Variants in BUD23 observed in about 807,000 individuals in gnomAD.
BUD23 encodes 18S rRNA (guanine-N(7))-methyltransferase.
BUD23 carries 34 observed loss-of-function variants against 47.0 expected under a neutral mutation model. The observed-to-expected ratio is 0.72, with a 90% confidence interval of 0.55 to 0.96. The LOEUF is 0.96. BUD23 is among the 40% of genes least tolerant of loss of function. BUD23 has a pLI of 0.00. For synonymous variants in BUD23, 124 were observed against 132.0 expected, an observed-to-expected ratio of 0.94 and a Z score of 0.41; for missense variants, 343 against 361.2, an observed-to-expected ratio of 0.95 and a Z score of 0.41.
Position 73,697,656 on chromosome 7 carries a change from G to A in BUD23, c.753G>A (p.Trp251Ter), listed in dbSNP as rs377247787. The A allele has an allele frequency of 1.2e-6, 2 of 1,613,708 alleles. No homozygotes were observed. The highest frequency in any genetic ancestry group is 1.7e-6 in the Non-Finnish European group (2 of 1,179,948). Residue 251 changes from tryptophan (W) to a stop codon, truncating the protein, a stop_gained, in exon 11 of 12, where the codon TGG becomes TGA. Transcript: ENST00000265758. LOFTEE classifies it high-confidence loss of function. ...RRGMVRKSRA[W>*]VLEKKERHRR... ...GAATGGTGAGGAAGAGTCGGGCATGGGTGCTGGAGAAGAAGGAGCGGCACA... is the reference window on the plus strand; with the variant it reads ...GAATGGTGAGGAAGAGTCGGGCATGAGTGCTGGAGAAGAAGGAGCGGCACA...
chr7:73,697,717 G>A (rs1416930834), intron 11 of BUD23, 23 bp downstream of exon 11: 1 of 1,559,452 alleles, frequency 6.4e-7, no homozygotes, highest in South Asian at 1.1e-5. Context: ...CTGGGAGCTG[G>A]CAGGGTGGGT....
intron 5 of BUD23, among the ~76,000 whole-genome samples, chr7:73,689,052 G>A (rs190242371): frequency 1.3e-5 from 2 of 152,276 alleles, no homozygotes; most frequent in African/African-American, 4.8e-5. Flanking sequence ...AGATGGTATA[G>A]CAAACTGTTT....
At position 73,687,101 on chromosome 7, in the gene BUD23, G is replaced by A; in HGVS notation, c.362+6G>A. On this transcript the variant is annotated splice_donor_region_variant and intron_variant, in intron 5 of 11. Coordinates refer to ENST00000265758, the MANE Select transcript of BUD23 (RefSeq NM_017528.5). ...ACATTTGATGGTTGCATCAGGTGAG[G>A]GTCTTTAATTCCTGCTTTTATTTAT... 1 of 1,612,910 alleles carries A rather than the reference G, an allele frequency of 6.2e-7. No homozygotes were observed. Among genetic ancestry groups the A allele is most frequent in the Non-Finnish European group, 8.5e-7 (1 of 1,179,940 alleles).
rs1316365425 is a variant in BUD23, at chr7:73,698,166, G to A, written c.*280G>A. ...AAAAAAAAAAAAAAAAGCTCTGAGA[G>A]CATCTTATTTTGTTTAAAGGCAAGA... On this transcript the variant is annotated 3_prime_UTR_variant, in exon 12 of 12. Coordinates refer to ENST00000265758, the MANE Select transcript of BUD23 (RefSeq NM_017528.5). 7 of 289,062 alleles carry A rather than the reference G, an allele frequency of 2.4e-5. No individual in the cohort carries two copies. The highest frequency in any genetic ancestry group is 9.0e-5 in the African/African-American group (4 of 44,586). 17.9% of individuals were successfully genotyped at this position (289,062 alleles called of 1,614,324 possible).
chr7:73,693,268 A>G, intron 7 of BUD23, 61 bp from the exon 8 acceptor site: 1 of 1,431,560 alleles, frequency 7.0e-7, no homozygotes. Flanking sequence ...GAGGGGAGGG[A>G]GGTGAAGCTG....
chr7:73,683,708 A>T (rs1797815530), intron 1 of BUD23, 35 bp downstream of exon 1: 4 of 1,613,818 alleles, frequency 2.5e-6, no homozygotes, highest in Non-Finnish European at 3.4e-6. Flanking sequence ...CCCTCTCCCC[A>T]CTTCTGCGGC....
intron 9 of BUD23, 150 bp from the exon 10 acceptor site, chr7:73,693,842 G>T (rs1554614451): frequency 3.1e-6 from 4 of 1,299,678 alleles, no homozygotes; most frequent in Non-Finnish European, 4.4e-6. Flanking sequence ...CCTCTGCTCT[G>T]CAGGTCCCAG....
rs372118892 is a variant in BUD23 at position 73,686,889 on chromosome 7, C to T, written c.254C>T (p.Pro85Leu). 8.7e-6 allele frequency: 14 copies of T among 1,614,072 alleles called. No homozygotes were observed. Among genetic ancestry groups the T allele is most frequent in the African/African-American group, 1.3e-5 (1 of 74,920 alleles). The change falls in exon 4 of 12, where the codon CCT (proline) becomes CTT (leucine). Residue 85 changes from proline (P) to leucine (L), a missense_variant. Transcript: ENST00000265758. ...GHYWVGLDISPAMLDEAVDRE... is the reference protein window; with the variant it reads ...GHYWVGLDISLAMLDEAVDRE... ...TATTGGGTGGGCCTGGATATCAGCCCTGCCATGCTGGGTAAGTATGTCCTG... is the reference window on the plus strand; with the variant it reads ...TATTGGGTGGGCCTGGATATCAGCCTTGCCATGCTGGGTAAGTATGTCCTG...
At chr7:73,688,686 C>T (rs1348818932) in intron 5 of BUD23, among the ~76,000 whole-genome samples, 1 of 152,158 alleles carries the variant, frequency 6.6e-6, no homozygotes. Flanking sequence ...TTTTCTTAGG[C>T]TGCTGTGATC....
At chr7:73,691,734 G>A (rs995053420) in intron 6 of BUD23, among the ~76,000 whole-genome samples, 3 of 151,840 alleles carry the variant, frequency 2.0e-5, no homozygotes, top group Admixed American at 1.3e-4. Context: ...CAAGTAGTTT[G>A]GACTACAGGC....
chr7:73,686,123 A>G (rs1401004947), intron 2 of BUD23, among the ~76,000 whole-genome samples: 3 of 151,650 alleles, frequency 2.0e-5, no homozygotes, highest in Admixed American at 1.3e-4. Flanking sequence ...ATATGACTCC[A>G]GTTTCTTTTA....
chr7:73,693,568 T>C, intron 8 of BUD23, 56 bp from the exon 9 acceptor site: 1 of 1,610,816 alleles, frequency 6.2e-7, no homozygotes, highest in Non-Finnish European at 8.5e-7. Context: ...GCTGAGGGCT[T>C]GTCTCCCTGT....
intron 2 of BUD23, among the ~76,000 whole-genome samples, chr7:73,684,661 G>A (rs371310622): frequency 5.0e-4 from 73 of 146,186 alleles, no homozygotes; most frequent in East Asian, 3.3e-3. Flanking sequence ...GGTGTCTCAC[G>A]CCTGTAATCG....
intron 10 of BUD23, chr7:73,694,266 C>T (rs1706982829): frequency 1.9e-6 from 1 of 519,928 alleles, no homozygotes; most frequent in South Asian, 2.9e-5. Context: ...AGCCTGGACT[C>T]CCTTTGTGAG....
At position 73,698,021 on chromosome 7, in the gene BUD23, C is replaced by A; in HGVS notation, c.*135C>A. The A allele has an allele frequency of 6.0e-6, 6 of 1,006,062 alleles. No individual in the cohort carries two copies. The highest frequency in any genetic ancestry group is 8.3e-6 in the Non-Finnish European group (6 of 725,478). 62.3% of individuals were successfully genotyped at this position (1,006,062 alleles called of 1,614,324 possible). A position where few individuals can be genotyped will look rare whatever the true frequency, so the allele number is the denominator to read the frequency against. On this transcript the variant is annotated 3_prime_UTR_variant, in exon 12 of 12. Coordinates refer to ENST00000265758, the MANE Select transcript of BUD23 (RefSeq NM_017528.5). The stretch of plus-strand genomic sequence containing the variant: ...TAAAAAAAAAGTTCTCTGGGCCGGG[C>A]GTGGTGGCTCACACCTGTAATCCCA...
chr7:73,683,718 C>G, intron 1 of BUD23, 45 bp downstream of exon 1: 3 of 1,614,104 alleles, frequency 1.9e-6, no homozygotes, highest in South Asian at 1.1e-5. Context: ...ACTTCTGCGG[C>G]CACCGCGTCT....
chr7:73,686,880 A>G lies in BUD23; in HGVS notation c.245A>G (p.Asp82Gly). The G allele has an allele frequency of 1.2e-6, 2 of 1,614,170 alleles. No homozygotes were observed. Among genetic ancestry groups the G allele is most frequent in the Non-Finnish European group, 1.7e-6 (2 of 1,180,030 alleles). Residue 82 changes from aspartate to glycine, a missense_variant, in exon 4 of 12, where the codon GAT becomes GGT. Coordinates refer to ENST00000265758, the MANE Select transcript of BUD23 (RefSeq NM_017528.5). ...GAAGGGCACTATTGGGTGGGCCTGG[A>G]TATCAGCCCTGCCATGCTGGGTAAG... Reference protein sequence around the residue: ...SDEGHYWVGLDISPAMLDEAV... With the variant: ...SDEGHYWVGLGISPAMLDEAV...
chr7:73,697,680 C>T lies in BUD23; in HGVS notation c.777C>T (p.His259=). 1.2e-6 allele frequency: 2 copies of T among 1,613,616 alleles called. No homozygotes were observed. The highest frequency in any genetic ancestry group is 8.5e-7 in the Non-Finnish European group (1 of 1,179,890). The change falls in exon 11 of 12, where the codon CAC becomes CAT. Residue 259 remains histidine (H), a synonymous_variant. Coordinates refer to ENST00000265758, the MANE Select transcript of BUD23 (RefSeq NM_017528.5). ...RAWVLEKKER[H]RRQGREVRPD... ...GGGTGCTGGAGAAGAAGGAGCGGCACAGGCGCCAGGGCAGGTGAGTGCCAG... is the reference window on the plus strand; with the variant it reads ...GGGTGCTGGAGAAGAAGGAGCGGCATAGGCGCCAGGGCAGGTGAGTGCCAG...
At chr7:73,692,925 G>A (rs907924869) in intron 7 of BUD23, 5 of 551,256 alleles carry the variant, frequency 9.1e-6, no homozygotes, top group Non-Finnish European at 1.6e-5. Context: ...ATTTAGGAAG[G>A]GTGAGAGGGC....
Sources: allele counts gnomAD v4.1 joint callset (sites outside exome capture counted in the v4.1 genomes callset), GRCh38; gene constraint gnomAD v4.1.1; transcripts MANE v1.5; gene names NCBI Gene and HGNC (gene_info 2026-07-23, HGNC 2026-07-21).